Variants in TRAPPC8 observed in about 807,000 individuals in gnomAD.
The protein encoded by TRAPPC8 is trafficking protein particle complex subunit 8, also known as general sporulation gene 1 homolog.
Under a neutral mutation model 174.3 loss-of-function variants are expected in TRAPPC8, and 54 were observed. The observed-to-expected ratio is 0.31, with a 90% CI of 0.25 to 0.39. TRAPPC8 has a LOEUF of 0.39. Ranked by LOEUF, TRAPPC8 falls within the 10% of genes least tolerant of loss-of-function variation. The pLI is 1.00. For synonymous variants in TRAPPC8, 630 were observed against 579.9 expected (o/e 1.09, Z -1.24); for missense variants, 1,531 against 1,699.1 (o/e 0.90, Z 1.74).
chr18:31,932,955 G>A (rs1402194850), intron 1 of TRAPPC8, among the ~76,000 whole-genome samples: 3 of 131,820 alleles, frequency 2.3e-5, no homozygotes, highest in South Asian at 2.4e-4. Context: ...CCAAGATTGC[G>A]CCACTGCATT....
intron 24 of TRAPPC8, among the ~76,000 whole-genome samples, chr18:31,850,913 T>TA (rs199924421): frequency 1.3e-5 from 2 of 151,430 alleles, no homozygotes; most frequent in Non-Finnish European, 2.9e-5. Flanking sequence ...TAAAGAAATT[T>TA]AAAAAAAAAT....
intron 2 of TRAPPC8, among the ~76,000 whole-genome samples, chr18:31,928,543 A>T (rs555194675): frequency 6.6e-6 from 1 of 152,268 alleles, no homozygotes; most frequent in South Asian, 2.1e-4. Context: ...AGAAAAAAAA[A>T]TAAAAGAAAT....
intron 26 of TRAPPC8, among the ~76,000 whole-genome samples, chr18:31,841,699 T>A (rs1278160881): frequency 6.6e-6 from 1 of 152,156 alleles, no homozygotes; most frequent in Non-Finnish European, 1.5e-5. Context: ...AAACAGAGGA[T>A]TCAGATTATG....
Position 31,942,854 on chromosome 18 carries a change from G to A in TRAPPC8, c.-90C>T, listed in dbSNP as rs1301741797. ...GCAGCAGCTACCGCCGCCGCCCGCCGGCCTGGCCCGGCCGGGCGGGGCCCC... is the reference window on the plus strand; with the variant it reads ...GCAGCAGCTACCGCCGCCGCCCGCCAGCCTGGCCCGGCCGGGCGGGGCCCC... On this transcript the variant is annotated 5_prime_UTR_variant, in exon 1 of 29. Transcript: ENST00000283351. The A allele has an allele frequency of 5.6e-6, 7 of 1,258,092 alleles. No homozygotes were observed. Among genetic ancestry groups the A allele is most frequent in the East Asian group, 3.2e-5 (1 of 31,732 alleles). 77.9% of individuals were successfully genotyped at this position (1,258,092 alleles called of 1,614,324 possible).
intron 14 of TRAPPC8, among the ~76,000 whole-genome samples, chr18:31,871,550 CCCCACTGGCATCACTTCTT>C (rs574287891): frequency 1.8e-3 from 275 of 152,074 alleles, no homozygotes; most frequent in African/African-American, 6.3e-3. Context: ...TCTCCTTCGC[CCCCACTGGCATCACTTCTT>C]CCCAGAGGTA....
intron 11 of TRAPPC8, among the ~76,000 whole-genome samples, chr18:31,894,908 T>A (rs1294327739): frequency 2.0e-5 from 3 of 152,186 alleles, no homozygotes; most frequent in African/African-American, 7.2e-5. Context: ...CCAGAATAAG[T>A]GTTCAACACA....
intron 9 of TRAPPC8, among the ~76,000 whole-genome samples, chr18:31,903,999 G>A (rs1417767597): frequency 2.0e-5 from 3 of 152,216 alleles, no homozygotes; most frequent in African/African-American, 7.2e-5. Context: ...ACTTTGGGAG[G>A]CCAAGGCAGG....
intron 12 of TRAPPC8, among the ~76,000 whole-genome samples, chr18:31,878,721 A>C (rs193077653): frequency 1.3e-5 from 2 of 152,234 alleles, no homozygotes; most frequent in African/African-American, 4.8e-5. Context: ...TATGCTATCT[A>C]CAAGAGACCT....
At position 31,907,521 on chromosome 18, in the gene TRAPPC8, T is replaced by C; in HGVS notation, c.1328A>G (p.Tyr443Cys). Reference sequence around the variant, plus strand: ...AAGAAAATCTTTCTTTGCAGTATGATAGCAACTGTAAGCCAAATCATAATG... The same window carrying C: ...AAGAAAATCTTTCTTTGCAGTATGACAGCAACTGTAAGCCAAATCATAATG... ...VQHYDLAYSC[Y>C]HTAKKDFLND... Residue 443 changes from tyrosine to cysteine, a missense_variant, in exon 9 of 29, where the codon TAT becomes TGT. Transcript: ENST00000283351. The C allele has an allele frequency of 6.2e-7, 1 of 1,610,254 alleles. No individual in the cohort carries two copies. Among genetic ancestry groups the C allele is most frequent in the Non-Finnish European group, 8.5e-7 (1 of 1,177,694 alleles).
intron 19 of TRAPPC8, 26 bp from the exon 20 acceptor site, chr18:31,858,008 T>C: frequency 6.5e-7 from 1 of 1,538,210 alleles, no homozygotes. Context: ...AAAATATTAT[T>C]ATTTGTCTGT....
rs1598609759 is a variant in TRAPPC8, at chr18:31,854,196, T to C, written c.3337-251A>G. 3.9e-5 allele frequency among the ~76,000 whole-genome samples: 6 copies of C among 152,326 alleles called. No homozygotes were observed. The South Asian group carries it at 1.2e-3, about 32-fold the overall frequency. On this transcript the variant is annotated intron_variant, in intron 21 of 28. Transcript: ENST00000283351. ...TAAATTTTAAAATACTGAAAGCCACTGAGTTATTAAAGCCTATCACAATGA... is the reference window on the plus strand; with the variant it reads ...TAAATTTTAAAATACTGAAAGCCACCGAGTTATTAAAGCCTATCACAATGA...
At chr18:31,854,243 AT>A (rs1363884808) in intron 21 of TRAPPC8, among the ~76,000 whole-genome samples, 2 of 152,244 alleles carry the variant, frequency 1.3e-5, no homozygotes, top group African/African-American at 4.8e-5. Flanking sequence ...TATTTAAAAG[AT>A]AAAAAATTGT....
chr18:31,850,766 C>G (rs2033665447), intron 24 of TRAPPC8, among the ~76,000 whole-genome samples: 1 of 152,178 alleles, frequency 6.6e-6, no homozygotes, highest in Non-Finnish European at 1.5e-5. Context: ...TCTATTTATT[C>G]AACCAGGTTC....
At chr18:31,935,111 T>C (rs1452943270) in intron 1 of TRAPPC8, among the ~76,000 whole-genome samples, 2 of 150,834 alleles carry the variant, frequency 1.3e-5, no homozygotes, top group Non-Finnish European at 3.0e-5. Flanking sequence ...TTGAGAGGCC[T>C]TGGCGGGCGG....
chr18:31,839,556 G>A (rs1187209493), intron 26 of TRAPPC8, 99 bp from the exon 27 acceptor site: 7 of 1,136,160 alleles, frequency 6.2e-6, no homozygotes, highest in Non-Finnish European at 8.3e-6. Context: ...AATCAGCAGA[G>A]ATAATGTAAT....
intron 2 of TRAPPC8, among the ~76,000 whole-genome samples, chr18:31,925,792 C>G (rs1256933771): frequency 2.6e-5 from 4 of 152,040 alleles, no homozygotes; most frequent in Admixed American, 2.6e-4. Context: ...TTTTTAAGAG[C>G]AATGCTTGAA....
rs543096827 is a variant in TRAPPC8, at chr18:31,903,129, T to C, written c.1390-2104A>G. ...GCGCGCGTGCGTGCGTGCGTGTGTG[T>C]GTGTGTGTGTGTGTTTTCCCTGTGA... On this transcript the variant is annotated intron_variant, in intron 9 of 28. Transcript: ENST00000283351. 2.4e-3 allele frequency among the ~76,000 whole-genome samples: 342 copies of C among 140,464 alleles called. 2 individuals carry two copies. The highest frequency in any genetic ancestry group is 0.01 in the South Asian group (41 of 4,066). The allele number at this position is 140,464 out of a possible 152,430, so 92.1% of individuals were successfully genotyped here.
intron 1 of TRAPPC8, 78 bp downstream of exon 1, chr18:31,942,530 T>C: frequency 6.9e-7 from 1 of 1,438,874 alleles, no homozygotes; most frequent in South Asian, 1.5e-5. Flanking sequence ...TGCCCTTCTC[T>C]TCCCTGCCCG....
At chr18:31,942,442 T>G in intron 1 of TRAPPC8, 166 bp downstream of exon 1, 2 of 847,928 alleles carry the variant, frequency 2.4e-6, no homozygotes, top group Non-Finnish European at 3.4e-6. Context: ...AACCTCACGG[T>G]CCCTCCTCCA....
Sources: gnomAD v4.1 joint callset for allele counts (sites outside exome capture counted in the v4.1 genomes callset) on GRCh38, gnomAD v4.1.1 for gene constraint, MANE v1.5 for transcripts, NCBI Gene and HGNC (gene_info 2026-07-23, HGNC 2026-07-21) for gene names.